The following ABI2 variants were observed in gnomAD, a reference collection of about 807,000 sequenced individuals.
ABI2 encodes abelson interactor 2.
Under a neutral mutation model 59.2 loss-of-function variants are expected in ABI2, and 25 were observed. The observed-to-expected ratio is 0.42, with a 90% CI of 0.31 to 0.59. ABI2 has a LOEUF of 0.59. Among genes scored for constraint, ABI2 ranks in the 20% least tolerant of loss-of-function variants. The pLI, the probability that ABI2 is intolerant of heterozygous loss-of-function variation, is 0.14. For missense variants in ABI2, 545 were observed against 681.8 expected, an observed-to-expected ratio of 0.80 and a Z score of 2.23; for synonymous variants, 213 against 235.5, an observed-to-expected ratio of 0.90 and a Z score of 0.87.
chr2:203,352,702 G>C (rs2089609218), intron 1 of ABI2, among the ~76,000 whole-genome samples: 1 of 152,154 alleles, frequency 6.6e-6, no homozygotes, highest in South Asian at 2.1e-4. Context: ...TTATTGGAGA[G>C]AGAAAATTTA....
chr2:203,343,062 G>A (rs2080979411), intron 1 of ABI2, among the ~76,000 whole-genome samples: 1 of 152,132 alleles, frequency 6.6e-6, no homozygotes, highest in South Asian at 2.1e-4. Flanking sequence ...TTCCTATAGA[G>A]GATTACAGCC....
chr2:203,376,037 C>G, intron 2 of ABI2: 2 of 1,488,956 alleles, frequency 1.3e-6, no homozygotes, highest in Non-Finnish European at 1.8e-6. Context: ...AAGTTATTTA[C>G]TTAAAATATC....
At chr2:203,344,567 G>GT (rs56966940) in intron 1 of ABI2, among the ~76,000 whole-genome samples, 4 of 144,016 alleles carry the variant, frequency 2.8e-5, no homozygotes, top group African/African-American at 7.7e-5. Flanking sequence ...TGTTGTTTTT[G>GT]TTTTTTTTTT....
At chr2:203,423,865 C>T (rs2098327383) in intron 11 of ABI2, among the ~76,000 whole-genome samples, 2 of 152,148 alleles carry the variant, frequency 1.3e-5, no homozygotes, top group African/African-American at 4.8e-5. Context: ...TACAGACCTT[C>T]ATAAAATATT....
At chr2:203,398,933 T>C (rs2097112786) in intron 8 of ABI2, among the ~76,000 whole-genome samples, 2 of 152,228 alleles carry the variant, frequency 1.3e-5, no homozygotes, top group South Asian at 4.1e-4. Flanking sequence ...TGTACCACAA[T>C]TTGTTTATCC....
chr2:203,396,901 G>C lies in ABI2; in HGVS notation c.967G>C (p.Ala323Pro). Residue 323 changes from alanine (A) to proline (P), a missense_variant, in exon 8 of 12, where the codon GCC becomes CCC. By Grantham distance (27) the Ala-to-Pro change is conservative. This residue lies in a region of ABI2 where 410 missense variants were observed against 435.6 expected (regional missense o/e 0.94). Coordinates refer to ENST00000261018, the MANE Select transcript of ABI2 (RefSeq NM_001375670.1). ...TGCCCCAGACGCTGCTGCTGGGGGT[G>C]CCCAGACCCTTGCTGATGGCTTCAC... ...STAPDAAAGG[A>P]QTLADGFTSP... 6.5e-7 allele frequency: 1 copy of C among 1,530,992 alleles called. No individual in the cohort carries two copies. Among genetic ancestry groups the C allele is most frequent in the East Asian group, 2.5e-5 (1 of 40,150 alleles). The allele number at this position is 1,530,992 out of a possible 1,614,324, so 94.8% of individuals were successfully genotyped here.
At position 203,428,531 on chromosome 2, in the gene ABI2, T is replaced by C. The variant is rs1232085853; in HGVS notation, c.*1179T>C. ...GTCAGAATTAAAACCCATCTCAGAC[T>C]AAGAATATAATGAATAAGATTAATA... is the stretch of plus-strand genomic sequence containing the variant. On this transcript the variant is annotated 3_prime_UTR_variant, in exon 12 of 12. Transcript: ENST00000261018. 1 of 152,598 alleles carries C rather than the reference T, an allele frequency of 6.6e-6. No homozygotes were observed. The highest frequency in any genetic ancestry group is 1.5e-5 in the Non-Finnish European group (1 of 68,020). The allele number at this position is 152,598 out of a possible 1,614,324, so 9.5% of individuals were successfully genotyped here.
chr2:203,384,328 A>C (rs1379182177), intron 4 of ABI2, among the ~76,000 whole-genome samples: 1 of 101,416 alleles, frequency 9.9e-6, no homozygotes. Context: ...TTTTTTTGAG[A>C]CAGGGTCTCA....
chr2:203,378,816 G>T (rs1166889256), intron 2 of ABI2, among the ~76,000 whole-genome samples: 1 of 151,996 alleles, frequency 6.6e-6, no homozygotes, highest in Non-Finnish European at 1.5e-5. Flanking sequence ...TTAGTGAAGT[G>T]ATTTTTCAAA....
In ABI2 at chr2:203,430,196, G is replaced by C; in HGVS notation, c.*2844G>C. On this transcript the variant is annotated 3_prime_UTR_variant, in exon 12 of 12. Transcript: ENST00000261018. ...GGTAGTATTTTTTGTTTTATTGTAA[G>C]TTTCCCTCTTTTTTTATAAATTAAA... The C allele has an allele frequency of 6.6e-6, 1 of 152,054 alleles. No homozygotes were observed. The highest frequency in any genetic ancestry group is 1.5e-5 in the Non-Finnish European group (1 of 68,002). 9.4% of individuals were successfully genotyped at this position (152,054 alleles called of 1,614,324 possible).
intron 1 of ABI2, among the ~76,000 whole-genome samples, chr2:203,331,681 C>A (rs1232886327): frequency 6.6e-6 from 1 of 151,046 alleles, no homozygotes; most frequent in East Asian, 2.0e-4. Context: ...ATTATAGCAT[C>A]ATGTCTTAGC....
intron 1 of ABI2, chr2:203,355,124 C>A: frequency 2.8e-6 from 1 of 361,056 alleles, no homozygotes; most frequent in South Asian, 2.1e-5. Context: ...GATGTAGATC[C>A]TATTTTCTGG....
intron 8 of ABI2, 74 bp from the exon 9 acceptor site, chr2:203,402,502 A>G (rs2097264360): frequency 8.9e-7 from 1 of 1,120,994 alleles, no homozygotes; most frequent in Non-Finnish European, 1.2e-6. Context: ...AGATTTAGGC[A>G]TTGTACATAA....
chr2:203,369,381 G>A (rs980711951), intron 2 of ABI2, among the ~76,000 whole-genome samples: 3 of 152,098 alleles, frequency 2.0e-5, no homozygotes, highest in Admixed American at 1.3e-4. Context: ...GGTAAATGAT[G>A]ACAACAAGCA....
At chr2:203,347,777 G>C (rs1553539800) in intron 1 of ABI2, among the ~76,000 whole-genome samples, 1 of 152,204 alleles carries the variant, frequency 6.6e-6, no homozygotes, top group Non-Finnish European at 1.5e-5. Context: ...TAGTTATTGG[G>C]TGTTGTTAAT....
chr2:203,411,308 T>A lies in ABI2; in HGVS notation c.1216T>A (p.Ser406Thr), dbSNP rs200220880. Residue 406 changes from serine (S) to threonine (T), a missense_variant, in exon 10 of 12, where the codon TCC becomes ACC. Ser to Thr is a moderately conservative substitution (Grantham distance 58). Transcript: ENST00000261018. ...AGTATCTCTTGCTCCTCCTCCTCCC[T>A]CCATCCTACAGGTAACTCCTCAGTT... The part of the protein sequence containing the change: ...NPVSLAPPPP[S>T]ILQVTPQLPL... The A allele has an allele frequency of 1.5e-4, 234 of 1,613,604 alleles. 1 individual carries two copies. Among genetic ancestry groups the A allele is most frequent in the Non-Finnish European group, 1.7e-6 (2 of 1,179,754 alleles).
chr2:203,378,560 T>C (rs1559273777), intron 2 of ABI2, among the ~76,000 whole-genome samples: 1 of 152,224 alleles, frequency 6.6e-6, no homozygotes, highest in Non-Finnish European at 1.5e-5. Context: ...ATAAGAGGCT[T>C]TGAATTTGTT....
In ABI2 at chr2:203,359,848, G is replaced by T. The variant is rs565340790; in HGVS notation, c.118-7029G>T. ...TAGGTTCCAACATGTACATTTTTGG[G>T]GGGGGGACACAAAAATTCAGACTAT... is the stretch of plus-strand genomic sequence containing the variant. On this transcript the variant is annotated intron_variant, in intron 1 of 11. Transcript: ENST00000261018. 6.6e-5 allele frequency among the ~76,000 whole-genome samples: 10 copies of T among 151,984 alleles called. No individual in the cohort carries two copies. In the South Asian group the frequency reaches 1.7e-3, roughly 25 times the overall value.
intron 1 of ABI2, among the ~76,000 whole-genome samples, chr2:203,361,462 T>C (rs1397936348): frequency 6.6e-6 from 1 of 152,152 alleles, no homozygotes; most frequent in African/African-American, 2.4e-5. Context: ...AGTAAGACCC[T>C]GTCTCAGAAA....
Sources: gnomAD v4.1 joint callset for allele counts (sites outside exome capture counted in the v4.1 genomes callset) on GRCh38, gnomAD v4.1.1 for gene constraint, gnomAD v4.1.1 regional missense constraint, MANE v1.5 for transcripts, NCBI Gene and HGNC (gene_info 2026-07-23, HGNC 2026-07-21) for gene names.